LHFPL3: variants seen among roughly 807,000 people sequenced by gnomAD.
LHFPL3 encodes the protein LHFPL tetraspan subfamily member 3, also known as LHFPL tetraspan subfamily member 3 protein.
In LHFPL3, 5 loss-of-function variants were observed where a neutral mutation model predicts 19.3. The observed-to-expected ratio is 0.26, with a 90% CI of 0.14 to 0.54. The LOEUF (loss-of-function observed/expected upper bound fraction) is 0.54. Ranked by LOEUF, LHFPL3 falls within the 20% of genes least tolerant of loss-of-function variation. The pLI is 0.94. For missense variants in LHFPL3, 249 were observed against 307.4 expected, an observed-to-expected ratio of 0.81 and a Z score of 1.42; for synonymous variants, 133 against 126.2, an observed-to-expected ratio of 1.05 and a Z score of -0.36.
At chr7:104,891,501 G>A (rs1024470842) in intron 2 of LHFPL3, among the ~76,000 whole-genome samples, 8 of 152,074 alleles carry the variant, frequency 5.3e-5, no homozygotes, top group African/African-American at 1.9e-4. Flanking sequence ...CATGACCTAA[G>A]CACCTTTTAA....
At chr7:104,698,952 A>G (rs993525290) in intron 1 of LHFPL3, among the ~76,000 whole-genome samples, 1 of 152,254 alleles carries the variant, frequency 6.6e-6, no homozygotes, top group Non-Finnish European at 1.5e-5. Context: ...CAACAACACT[A>G]GTCAATAGGA....
chr7:104,585,141 C>A (rs900133220), intron 1 of LHFPL3, among the ~76,000 whole-genome samples: 1 of 152,038 alleles, frequency 6.6e-6, no homozygotes, highest in Non-Finnish European at 1.5e-5. Flanking sequence ...TACCTGTCCT[C>A]CTTTTCCTCC....
At chr7:104,673,866 C>T (rs1336260719) in intron 1 of LHFPL3, among the ~76,000 whole-genome samples, 1 of 152,114 alleles carries the variant, frequency 6.6e-6, no homozygotes. Flanking sequence ...CACCTTTAAC[C>T]ACTCTGTTGG....
chr7:104,440,361 C>T (rs1002075906), intron 1 of LHFPL3, among the ~76,000 whole-genome samples: 2 of 148,658 alleles, frequency 1.3e-5, no homozygotes, highest in African/African-American at 5.0e-5. Context: ...GGGAATCGAA[C>T]AATGAGAATA....
chr7:104,459,977 A>G (rs1257940356), intron 1 of LHFPL3, among the ~76,000 whole-genome samples: 1 of 152,008 alleles, frequency 6.6e-6, no homozygotes, highest in African/African-American at 2.4e-5. Context: ...CTAGTACCCA[A>G]TGGTTATTTT....
chr7:104,628,879 T>C lies in LHFPL3; in HGVS notation c.446-107796T>C, dbSNP rs78087495. Among the ~76,000 whole-genome samples the C allele has an allele frequency of 4.4e-3, 669 of 152,274 alleles. 35 individuals are homozygous for C. The East Asian group carries it at 0.099, about 22-fold the overall frequency. On this transcript the variant is annotated intron_variant, in intron 1 of 2. Transcript: ENST00000424859. The stretch of plus-strand genomic sequence containing the variant: ...TTTTTGGAGGCCACATTGTAAATGG[T>C]AATGTGTTCTGATATTAGATATGAA...
At chr7:104,627,419 C>T (rs931308347) in intron 1 of LHFPL3, among the ~76,000 whole-genome samples, 6 of 152,138 alleles carry the variant, frequency 3.9e-5, no homozygotes, top group Admixed American at 6.6e-5. Context: ...ATTGACATTA[C>T]CTGTTGTTCT....
chr7:104,525,070 A>G (rs950138937), intron 1 of LHFPL3, among the ~76,000 whole-genome samples: 4 of 152,130 alleles, frequency 2.6e-5, no homozygotes, highest in Admixed American at 6.6e-5. Flanking sequence ...TGTTGGAGTA[A>G]CAGTTCTCCT....
At chr7:104,521,726 G>C (rs554170468) in intron 1 of LHFPL3, among the ~76,000 whole-genome samples, 1 of 152,128 alleles carries the variant, frequency 6.6e-6, no homozygotes, top group Non-Finnish European at 1.5e-5. Context: ...AGTGGTCGAA[G>C]GACATGAACA....
At chr7:104,343,072 T>G (rs1789988912) in intron 1 of LHFPL3, among the ~76,000 whole-genome samples, 1 of 152,038 alleles carries the variant, frequency 6.6e-6, no homozygotes, top group Admixed American at 6.6e-5. Flanking sequence ...CACTAAAGTT[T>G]TAATTATGAT....
chr7:104,724,902 G>C (rs1793562929), intron 1 of LHFPL3, among the ~76,000 whole-genome samples: 1 of 152,164 alleles, frequency 6.6e-6, no homozygotes, highest in African/African-American at 2.4e-5. Flanking sequence ...TTTTTCTCCA[G>C]GAGCCCAAAA....
At chr7:104,529,771 A>G (rs756667) in intron 1 of LHFPL3, among the ~76,000 whole-genome samples, 92,524 of 151,998 alleles carry the variant, frequency 0.61, 28,458 homozygotes, top group African/African-American at 0.68. Flanking sequence ...GGCAGTGCCT[A>G]TGTAGCGCCA....
chr7:104,362,637 A>G (rs1790407450), intron 1 of LHFPL3, among the ~76,000 whole-genome samples: 1 of 152,174 alleles, frequency 6.6e-6, no homozygotes, highest in South Asian at 2.1e-4. Context: ...GATAGAGCCA[A>G]TTTATCAAGA....
intron 1 of LHFPL3, among the ~76,000 whole-genome samples, chr7:104,701,417 A>G (rs1171263685): frequency 6.6e-6 from 1 of 152,250 alleles, no homozygotes; most frequent in Non-Finnish European, 1.5e-5. Context: ...CATATTTTGT[A>G]TGCTATATGT....
At chr7:104,814,939 C>T (rs1011179532) in intron 2 of LHFPL3, among the ~76,000 whole-genome samples, 1 of 152,174 alleles carries the variant, frequency 6.6e-6, no homozygotes, top group African/African-American at 2.4e-5. Context: ...TCCCAGACCC[C>T]CAGTAGTGCA....
chr7:104,700,997 T>C (rs1793090363), intron 1 of LHFPL3, among the ~76,000 whole-genome samples: 1 of 152,210 alleles, frequency 6.6e-6, no homozygotes, highest in African/African-American at 2.4e-5. Flanking sequence ...CCTTCATCTT[T>C]CTTTGTTTAC....
chr7:104,347,365 T>A, intron 1 of LHFPL3, among the ~76,000 whole-genome samples: 1 of 152,152 alleles, frequency 6.6e-6, no homozygotes, highest in South Asian at 2.1e-4. Flanking sequence ...TTGGTAATAG[T>A]GAGGGGAGAA....
chr7:104,465,417 C>T (rs1189539374), intron 1 of LHFPL3, among the ~76,000 whole-genome samples: 1 of 152,178 alleles, frequency 6.6e-6, no homozygotes. Context: ...AGCAGCACCC[C>T]ACTCTCTGCA....
chr7:104,657,286 G>A (rs1375214301), intron 1 of LHFPL3, among the ~76,000 whole-genome samples: 1 of 152,222 alleles, frequency 6.6e-6, no homozygotes, highest in Admixed American at 6.5e-5. Flanking sequence ...ATGAAATGCT[G>A]CTGAAAGGAA....
Sources: gnomAD v4.1 joint callset for allele counts (sites outside exome capture counted in the v4.1 genomes callset) on GRCh38, gnomAD v4.1.1 for gene constraint, MANE v1.5 for transcripts, NCBI Gene and HGNC (gene_info 2026-07-23, HGNC 2026-07-21) for gene names.